Variants in PTCHD4 observed in about 807,000 individuals in gnomAD.
PTCHD4 encodes patched domain containing 4.
In PTCHD4, 33 loss-of-function variants were observed where a neutral mutation model predicts 58.1. The ratio of observed to expected loss-of-function variants is 0.57; its 90% CI spans 0.43 to 0.76. The LOEUF (loss-of-function observed/expected upper bound fraction) is 0.76. Among genes scored for constraint, PTCHD4 ranks in the 30% least tolerant of loss-of-function variants. The pLI is 0.00. For missense variants in PTCHD4, 1,058 were observed against 1,027.1 expected (o/e 1.03, Z -0.41); for synonymous variants, 478 against 409.6 (o/e 1.17, Z -2.02).
intron 3 of PTCHD4, among the ~76,000 whole-genome samples, chr6:48,044,045 C>A (rs1030478455): frequency 6.6e-6 from 1 of 151,706 alleles, no homozygotes; most frequent in Non-Finnish European, 1.5e-5. Context: ...ATTACAGGAC[C>A]CAGTGAAATT....
At chr6:47,994,837 A>G (rs1216911710) in intron 4 of PTCHD4, among the ~76,000 whole-genome samples, 1 of 152,210 alleles carries the variant, frequency 6.6e-6, no homozygotes, top group Non-Finnish European at 1.5e-5. Flanking sequence ...GGGTGAGGGA[A>G]TACAGGAACA....
At chr6:48,042,645 T>A (rs1763886766) in intron 3 of PTCHD4, among the ~76,000 whole-genome samples, 1 of 151,888 alleles carries the variant, frequency 6.6e-6, no homozygotes. Context: ...ATTTTATTAT[T>A]CAAGATGCTG....
Position 47,922,820 on chromosome 6 carries a change from T to C in PTCHD4, c.899-42884A>G, listed in dbSNP as rs547330059. On this transcript the variant is annotated intron_variant, in intron 4 of 4. Coordinates refer to ENST00000339488, the MANE Select transcript of PTCHD4 (RefSeq NM_001384253.1). ...CAGTAGCGAGTATTATTCTTGTTACTGGTTTTCCTTGCCTAAAAATGGACT... is the reference window on the plus strand; with the variant it reads ...CAGTAGCGAGTATTATTCTTGTTACCGGTTTTCCTTGCCTAAAAATGGACT... Among the ~76,000 whole-genome samples the C allele has an allele frequency of 2.6e-5, 4 of 152,326 alleles. No homozygotes were observed. The South Asian group carries it at 8.3e-4, about 32-fold the overall frequency.
chr6:47,881,727 T>C (rs1481759267), intron 4 of PTCHD4, among the ~76,000 whole-genome samples: 1 of 152,186 alleles, frequency 6.6e-6, no homozygotes, highest in Non-Finnish European at 1.5e-5. Context: ...AATATTTGAT[T>C]TTTAAAGACA....
rs1764912991 is a variant in PTCHD4 at position 48,069,086 on chromosome 6, C to T, written c.-129G>A. Among the ~76,000 whole-genome samples the T allele has an allele frequency of 6.9e-6, 1 of 144,498 alleles. No homozygotes were observed. The highest frequency in any genetic ancestry group is 1.5e-5 in the Non-Finnish European group (1 of 66,590). 94.8% of individuals were successfully genotyped at this position (144,498 alleles called of 152,430 possible). On this transcript the variant is annotated 5_prime_UTR_variant, in exon 2 of 5. Coordinates refer to ENST00000339488, the MANE Select transcript of PTCHD4 (RefSeq NM_001384253.1). ...CTCTCTGTCTTGGTGGGGTTCGGTG[C>T]CTAACTGGAACCATGTGCCTCGGTG...
At chr6:47,936,399 C>A (rs1383326998) in intron 4 of PTCHD4, among the ~76,000 whole-genome samples, 1 of 152,152 alleles carries the variant, frequency 6.6e-6, no homozygotes, top group Non-Finnish European at 1.5e-5. Flanking sequence ...TTTATGGTCC[C>A]TTCTTTATTA....
intron 4 of PTCHD4, among the ~76,000 whole-genome samples, chr6:47,983,613 G>T (rs1325397925): frequency 6.6e-6 from 1 of 152,084 alleles, no homozygotes; most frequent in Admixed American, 6.6e-5. Context: ...TGTGTAAAAG[G>T]ATAAAATGAT....
At chr6:47,890,035 A>G (rs1365401104) in intron 4 of PTCHD4, among the ~76,000 whole-genome samples, 5 of 151,440 alleles carry the variant, frequency 3.3e-5, no homozygotes, top group East Asian at 2.0e-4. Flanking sequence ...GTATGTGTGT[A>G]TATATATATA....
intron 1 of PTCHD4, among the ~76,000 whole-genome samples, chr6:48,076,765 G>C (rs902865647): frequency 6.6e-6 from 1 of 152,202 alleles, no homozygotes; most frequent in Non-Finnish European, 1.5e-5. Flanking sequence ...AGATATTCCA[G>C]GGATGCCTTG....
At chr6:47,984,396 C>T (rs868036140) in intron 4 of PTCHD4, among the ~76,000 whole-genome samples, 2 of 152,062 alleles carry the variant, frequency 1.3e-5, no homozygotes, top group Admixed American at 1.3e-4. Context: ...CCTTATAAAA[C>T]CATCAGATCT....
At chr6:47,960,664 A>T (rs888601508) in intron 4 of PTCHD4, among the ~76,000 whole-genome samples, 4 of 152,042 alleles carry the variant, frequency 2.6e-5, no homozygotes, top group African/African-American at 7.2e-5. Flanking sequence ...AAACATAATA[A>T]TCCTCCTAAT....
chr6:48,108,864 C>G (rs895862831), intron 1 of PTCHD4, among the ~76,000 whole-genome samples: 1 of 150,760 alleles, frequency 6.6e-6, no homozygotes, highest in African/African-American at 2.4e-5. Context: ...CATTAATAAA[C>G]AAAATATTAA....
At chr6:47,886,441 A>G (rs1764197340) in intron 4 of PTCHD4, among the ~76,000 whole-genome samples, 1 of 152,158 alleles carries the variant, frequency 6.6e-6, no homozygotes, top group African/African-American at 2.4e-5. Flanking sequence ...TAATCAAGAT[A>G]TGAAAGCTTG....
intron 4 of PTCHD4, among the ~76,000 whole-genome samples, chr6:47,983,818 C>A (rs1289478777): frequency 6.6e-6 from 1 of 152,156 alleles, no homozygotes; most frequent in African/African-American, 2.4e-5. Context: ...CAGGATAATT[C>A]TAGATTGTTG....
chr6:48,075,217 T>G (rs1232195412), intron 1 of PTCHD4, among the ~76,000 whole-genome samples: 2 of 152,182 alleles, frequency 1.3e-5, no homozygotes, highest in Non-Finnish European at 2.9e-5. Context: ...GTTATGTTGT[T>G]GCATGTTGTT....
intron 3 of PTCHD4, among the ~76,000 whole-genome samples, chr6:48,040,432 C>T (rs1326523299): frequency 6.6e-6 from 1 of 150,724 alleles, no homozygotes; most frequent in Non-Finnish European, 1.5e-5. Flanking sequence ...GAAACACCTA[C>T]TATAAGTCAG....
chr6:47,882,574 G>A (rs1397108470), intron 4 of PTCHD4, among the ~76,000 whole-genome samples: 1 of 151,500 alleles, frequency 6.6e-6, no homozygotes, highest in Non-Finnish European at 1.5e-5. Flanking sequence ...TCACTGCCCT[G>A]TGTGCATGTT....
At chr6:48,019,938 G>T (rs1334237769) in intron 3 of PTCHD4, among the ~76,000 whole-genome samples, 1 of 151,982 alleles carries the variant, frequency 6.6e-6, no homozygotes, top group Non-Finnish European at 1.5e-5. Flanking sequence ...GAAAGAAATG[G>T]TCTTCTAAGC....
intron 3 of PTCHD4, among the ~76,000 whole-genome samples, chr6:48,021,728 CA>C (rs1763079798): frequency 6.6e-6 from 1 of 152,138 alleles, no homozygotes; most frequent in South Asian, 2.1e-4. Flanking sequence ...ACAGTACTGT[CA>C]TTTATGAAGT....
Sources: gnomAD v4.1 joint callset for allele counts (sites outside exome capture counted in the v4.1 genomes callset) on GRCh38, gnomAD v4.1.1 for gene constraint, MANE v1.5 for transcripts, NCBI Gene and HGNC (gene_info 2026-07-23, HGNC 2026-07-21) for gene names.